The following MGAM variants were observed in gnomAD, a reference collection of about 807,000 sequenced individuals.
MGAM encodes alpha-1,4-glucosidase.
A neutral mutation model predicts 358.8 loss-of-function variants in MGAM; 253 were observed. That is an observed-to-expected ratio of 0.71 (90% CI 0.64 to 0.78). The LOEUF is 0.78. Among genes scored for constraint, MGAM ranks in the 30% least tolerant of loss-of-function variants. The probability of loss-of-function intolerance (pLI) is 0.00; values close to 1 mark genes in which losing one functional copy is unlikely to be tolerated. For synonymous variants in MGAM, 1,105 were observed against 1,227.1 expected (o/e 0.90, Z 2.08); for missense variants, 3,080 against 3,432.6 (o/e 0.90, Z 2.57).
intron 52 of MGAM, 138 bp downstream of exon 52, chr7:142,082,709 T>G (rs1814422090): frequency 1.4e-6 from 1 of 732,298 alleles, no homozygotes; most frequent in Admixed American, 2.9e-5. Flanking sequence ...TTTCTTTGTG[T>G]TTAGCCTTTC....
intron 42 of MGAM, among the ~76,000 whole-genome samples, chr7:142,067,960 ATATAAATATATATATATATATATATAT>A (rs1420260793): frequency 4.7e-4 from 19 of 40,180 alleles, no homozygotes; most frequent in African/African-American, 1.0e-3. Flanking sequence ...ATATATATAT[ATATAAATATATATATATATATATATAT>A]TTTTTTTTTT....
chr7:142,082,731 G>T (rs1376360463), intron 52 of MGAM, among the ~76,000 whole-genome samples, 160 bp downstream of exon 52: 1 of 146,136 alleles, frequency 6.8e-6, no homozygotes, highest in East Asian at 2.0e-4. Context: ...GTTCATTTCA[G>T]TCTAATATCA....
chr7:141,994,369 G>A (rs918845839), upstream of MGAM, among the ~76,000 whole-genome samples: 1 of 152,170 alleles, frequency 6.6e-6, no homozygotes, highest in Non-Finnish European at 1.5e-5. Flanking sequence ...AAAGGCTAAG[G>A]TTTGTAAAGG....
chr7:142,036,786 A>C, intron 17 of MGAM, 37 bp from the exon 18 acceptor site: 1 of 1,601,744 alleles, frequency 6.2e-7, no homozygotes, highest in African/African-American at 1.3e-5. Context: ...GCTATCCTGC[A>C]GCCAAACCAC....
At chr7:142,098,331 C>A (rs1190174866) in intron 66 of MGAM, among the ~76,000 whole-genome samples, 1 of 152,090 alleles carries the variant, frequency 6.6e-6, no homozygotes, top group Non-Finnish European at 1.5e-5. Flanking sequence ...CTTGCTGGGA[C>A]CCTGACAAGT....
intron 31 of MGAM, 135 bp downstream of exon 31, chr7:142,058,463 C>T: frequency 6.9e-7 from 1 of 1,454,548 alleles, no homozygotes; most frequent in Non-Finnish European, 9.2e-7. Context: ...GTTAGCCTCA[C>T]CCCAGCACAG....
At chr7:142,059,757 T>C (rs1327555373) in intron 32 of MGAM, 99 bp from the exon 33 acceptor site, 32 of 1,570,494 alleles carry the variant, frequency 2.0e-5, no homozygotes, top group Non-Finnish European at 2.7e-5. Flanking sequence ...ACTGTGCAGG[T>C]AGAAGCCAGC....
rs1810211305 is a variant in MGAM at position 142,045,694 on chromosome 7, C to T, written c.2499-2091C>T. ...ATATATAATATATATTATATACATA[C>T]AATATATGAATATATAATATATAAT... On this transcript the variant is annotated intron_variant, in intron 21 of 70. Coordinates refer to ENST00000475668, the MANE Select transcript of MGAM (RefSeq NM_001365693.1). Among the ~76,000 whole-genome samples the T allele has an allele frequency of 4.2e-5, 4 of 95,862 alleles. No homozygotes were observed. The South Asian group carries it at 9.4e-4, about 22-fold the overall frequency. 62.9% of individuals were successfully genotyped at this position (95,862 alleles called of 152,430 possible). A position where few individuals can be genotyped will look rare whatever the true frequency, so the allele number is the denominator to read the frequency against.
Position 142,094,435 on chromosome 7 carries a change from G to A in MGAM, c.7244G>A (p.Trp2415Ter). The A allele has an allele frequency of 6.5e-7, 1 of 1,535,248 alleles. No homozygotes were observed. The highest frequency in any genetic ancestry group is 1.3e-5 in the African/African-American group (1 of 74,300). The change falls in exon 61 of 71, where the codon TGG becomes TAG. Residue 2415 changes from tryptophan (W) to a stop codon, truncating the protein, a stop_gained. Transcript: ENST00000475668. LOFTEE classifies it high-confidence loss of function. ...TRSTFPSSGR[W>*]AGHWLGDNTA... The stretch of plus-strand genomic sequence containing the variant: ...TCCACATTTCCCTCTTCTGGCCGCT[G>A]GGCAGGACATTGGCTGGGAGACAAC...
rs1554463186 is a variant in MGAM, at chr7:142,030,716, T to C, written c.1429T>C (p.Trp477Arg). Residue 477 changes from tryptophan to arginine, a missense_variant, in exon 12 of 71, where the codon TGG becomes CGG. Trp to Arg is a moderately radical substitution (Grantham distance 101, BLOSUM62 -3). This residue lies in a region of MGAM where 1,816 missense variants were observed against 1,840.5 expected (regional missense o/e 0.99). Coordinates refer to ENST00000475668, the MANE Select transcript of MGAM (RefSeq NM_001365693.1). ...TGACAGGGGTTCAGATATGAAGATA[T>C]GGGTGAATAGTTCAGATGGAGTGAC... ...PYDRGSDMKI[W>R]VNSSDGVTPL... The C allele has an allele frequency of 6.2e-7, 1 of 1,612,654 alleles. No homozygotes were observed. The highest frequency in any genetic ancestry group is 2.2e-5 in the East Asian group (1 of 44,858).
At chr7:141,986,630 TG>T (rs1284370873) in intron 2 of MGAM, among the ~76,000 whole-genome samples, 2 of 152,306 alleles carry the variant, frequency 1.3e-5, no homozygotes, top group East Asian at 3.9e-4. Flanking sequence ...TACCTACCAG[TG>T]GCTCATTATA....
chr7:142,069,226 G>A (rs145521181), intron 43 of MGAM, among the ~76,000 whole-genome samples: 5 of 146,158 alleles, frequency 3.4e-5, no homozygotes, highest in Admixed American at 6.9e-5. Flanking sequence ...ACACACAGAG[G>A]TATGGGACCC....
intron 52 of MGAM, 99 bp from the exon 53 acceptor site, chr7:142,083,202 C>T (rs10247389): frequency 0.46 from 438,743 of 952,094 alleles, 119,061 homozygotes; most frequent in African/African-American, 0.61. Context: ...TACTACTCTA[C>T]GATAGGGAGG....
intron 2 of MGAM, among the ~76,000 whole-genome samples, chr7:141,986,690 G>A (rs953430567): frequency 6.6e-6 from 1 of 152,102 alleles, no homozygotes; most frequent in Non-Finnish European, 1.5e-5. Flanking sequence ...AAACAATTGT[G>A]TACATTTGCA....
rs980266546 is a variant in MGAM at position 142,088,956 on chromosome 7, A to G, written c.6810+2239A>G. Among the ~76,000 whole-genome samples the G allele has an allele frequency of 4.9e-5, 6 of 122,682 alleles. 1 individual carries two copies. The highest frequency in any genetic ancestry group is 8.5e-5 in the Admixed American group (1 of 11,766). 80.5% of individuals were successfully genotyped at this position (122,682 alleles called of 152,430 possible). ...TCATTTATCTACCTATTTATATATC[A>G]TCTATCTCTATGTATGTATGTATGT... On this transcript the variant is annotated intron_variant, in intron 57 of 70. Transcript: ENST00000475668.
intron 3 of MGAM, among the ~76,000 whole-genome samples, chr7:142,013,069 C>A (rs782777854): frequency 7.2e-5 from 11 of 152,252 alleles, no homozygotes; most frequent in East Asian, 1.9e-4. Context: ...CACCTCTTGA[C>A]ACAAAGTGTG....
Position 142,059,908 on chromosome 7 carries a change from GCGTGGAGGATGA to G in MGAM, c.4005_4016del (p.Glu1336_Val1339del), listed in dbSNP as rs1811947229. 1 of 1,611,328 alleles carries G rather than the reference GCGTGGAGGATGA, an allele frequency of 6.2e-7. No homozygotes were observed. Among genetic ancestry groups the G allele is most frequent in the African/African-American group, 1.3e-5 (1 of 74,882 alleles). On this transcript the variant is annotated inframe_deletion, in exon 33 of 71. Coordinates refer to ENST00000475668, the MANE Select transcript of MGAM (RefSeq NM_001365693.1). ...CAGCCTTATCCTGCCTTCACTCGGG[GCGTGGAGGATGA>G]CGTCTTCATCAAATACCCAAATGAT...
In MGAM at chr7:142,066,857, C is replaced by A. The variant is rs1213276706; in HGVS notation, c.4919+136C>A. Reference sequence around the variant, plus strand: ...ATGAGCTCTTCAGACACAAAGTATACCTGATTACTGTCTTTAGCACAGTGT... The same window carrying A: ...ATGAGCTCTTCAGACACAAAGTATAACTGATTACTGTCTTTAGCACAGTGT... On this transcript the variant is annotated intron_variant, in intron 41 of 70. Coordinates refer to ENST00000475668, the MANE Select transcript of MGAM (RefSeq NM_001365693.1). 15 of 1,108,556 alleles carry A rather than the reference C, an allele frequency of 1.4e-5. 2 individuals carry two copies. The highest frequency in any genetic ancestry group is 1.8e-5 in the Non-Finnish European group (14 of 772,160). The allele number at this position is 1,108,556 out of a possible 1,614,324, so 68.7% of individuals were successfully genotyped here.
chr7:142,062,987 T>C (rs1812369537), intron 35 of MGAM, among the ~76,000 whole-genome samples: 1 of 152,058 alleles, frequency 6.6e-6, no homozygotes, highest in South Asian at 2.1e-4. Context: ...TCACCTGAGG[T>C]TGGGAGTTTG....
Sources: allele counts gnomAD v4.1 joint callset (sites outside exome capture counted in the v4.1 genomes callset), GRCh38; gene constraint gnomAD v4.1.1; regional missense constraint gnomAD v4.1.1; transcripts MANE v1.5; gene names NCBI Gene and HGNC (gene_info 2026-07-23, HGNC 2026-07-21).